PCDH15: variants seen among roughly 807,000 people sequenced by gnomAD.
PCDH15 encodes the protein protocadherin related 15.
Under a neutral mutation model 178.5 loss-of-function variants are expected in PCDH15, and 129 were observed. The ratio of observed to expected loss-of-function variants is 0.72; its 90% CI spans 0.63 to 0.84. The LOEUF (loss-of-function observed/expected upper bound fraction) is 0.84. Ranked by LOEUF, PCDH15 falls within the 40% of genes least tolerant of loss-of-function variation. The pLI is 0.00. For missense variants in PCDH15, 2,230 were observed against 2,099.9 expected (o/e 1.06, Z -1.21); for synonymous variants, 800 against 732.0 (o/e 1.09, Z -1.50).
At chr10:54,104,845 C>CAAAAAA (rs56195842) in intron 15 of PCDH15, among the ~76,000 whole-genome samples, 15 of 48,634 alleles carry the variant, frequency 3.1e-4, no homozygotes, top group Non-Finnish European at 4.1e-4. Context: ...TCAACAACAA[C>CAAAAAA]AAAAAAAAAA....
intron 2 of PCDH15, among the ~76,000 whole-genome samples, chr10:54,573,318 C>T (rs979293814): frequency 2.6e-5 from 4 of 152,056 alleles, no homozygotes; most frequent in African/African-American, 4.8e-5. Context: ...TAATAAAAAA[C>T]ACTTAACCAA....
At chr10:54,124,651 G>A (rs932858836) in intron 15 of PCDH15, among the ~76,000 whole-genome samples, 2 of 152,232 alleles carry the variant, frequency 1.3e-5, no homozygotes, top group Admixed American at 6.5e-5. Flanking sequence ...TGTAATACAC[G>A]TGACATTATA....
chr10:54,887,593 TTTAAA>T (rs1341607377), intron 3 of PCDH15, among the ~76,000 whole-genome samples: 1 of 152,100 alleles, frequency 6.6e-6, no homozygotes, highest in Non-Finnish European at 1.5e-5. Context: ...GCAAAGTATT[TTTAAA>T]TTAAATGAGA....
intron 1 of PCDH15, among the ~76,000 whole-genome samples, chr10:55,226,542 C>T (rs1361405135): frequency 2.0e-5 from 3 of 151,702 alleles, no homozygotes; most frequent in African/African-American, 2.4e-5. Flanking sequence ...CCACCACAGT[C>T]GGCTAATTTT....
At chr10:54,042,646 A>C (rs541954196) in intron 18 of PCDH15, among the ~76,000 whole-genome samples, 32 of 152,158 alleles carry the variant, frequency 2.1e-4, no homozygotes, top group African/African-American at 7.0e-4. Flanking sequence ...AGTGATGCAA[A>C]TGATGTTGGA....
chr10:54,070,314 C>T (rs1439486937), intron 17 of PCDH15, among the ~76,000 whole-genome samples: 1 of 152,146 alleles, frequency 6.6e-6, no homozygotes, highest in African/African-American at 2.4e-5. Context: ...AACAATTCTC[C>T]TGCCTCAGCC....
At chr10:54,147,269 T>C (rs1480134763) in intron 14 of PCDH15, among the ~76,000 whole-genome samples, 1 of 151,252 alleles carries the variant, frequency 6.6e-6, no homozygotes, top group Non-Finnish European at 1.5e-5. Flanking sequence ...TCACCAAACA[T>C]TCTAAGGTGA....
At chr10:54,023,409 C>T (rs1444335333) in intron 18 of PCDH15, among the ~76,000 whole-genome samples, 9 of 151,084 alleles carry the variant, frequency 6.0e-5, no homozygotes, top group South Asian at 2.1e-4. Context: ...ATAACAAAAA[C>T]GGATAATGTC....
At chr10:54,580,133 G>A (rs962712853) in intron 2 of PCDH15, among the ~76,000 whole-genome samples, 2 of 151,942 alleles carry the variant, frequency 1.3e-5, no homozygotes, top group African/African-American at 4.8e-5. Context: ...GAGCAGAACT[G>A]AATGAAGTAG....
chr10:54,561,852 A>C, intron 2 of PCDH15, among the ~76,000 whole-genome samples: 1 of 150,692 alleles, frequency 6.6e-6, no homozygotes, highest in Admixed American at 6.6e-5. Flanking sequence ...TATTATTATT[A>C]TTTCTATTTT....
At chr10:54,371,443 T>A (rs1295417201) in intron 4 of PCDH15, among the ~76,000 whole-genome samples, 1 of 151,852 alleles carries the variant, frequency 6.6e-6, no homozygotes, top group East Asian at 1.9e-4. Flanking sequence ...CTTTTGAGAA[T>A]GTATAAAATG....
intron 2 of PCDH15, among the ~76,000 whole-genome samples, chr10:55,428,397 A>T (rs1214725139): frequency 6.6e-6 from 1 of 151,946 alleles, no homozygotes; most frequent in South Asian, 2.1e-4. Context: ...GTTCTCTATC[A>T]TTATGAAATG....
chr10:55,450,031 C>T (rs1018883082), intron 2 of PCDH15, among the ~76,000 whole-genome samples: 6 of 151,538 alleles, frequency 4.0e-5, no homozygotes, highest in Non-Finnish European at 7.4e-5. Flanking sequence ...TGGCTTAAAG[C>T]ATTTTTTTTA....
chr10:55,011,330 A>G (rs1219369643), intron 2 of PCDH15, among the ~76,000 whole-genome samples: 1 of 152,138 alleles, frequency 6.6e-6, no homozygotes, highest in Admixed American at 6.6e-5. Flanking sequence ...TGAAATTGAG[A>G]CAGAATATAA....
At chr10:55,215,374 T>A (rs1388220586) in intron 1 of PCDH15, among the ~76,000 whole-genome samples, 1 of 152,136 alleles carries the variant, frequency 6.6e-6, no homozygotes, top group East Asian at 1.9e-4. Context: ...GTTATGCATT[T>A]GTACAGTGGG....
chr10:54,835,976 A>G (rs1953309053), intron 3 of PCDH15, among the ~76,000 whole-genome samples: 1 of 152,198 alleles, frequency 6.6e-6, no homozygotes, highest in Admixed American at 6.5e-5. Context: ...CGATAGCACA[A>G]AGACAAGGTG....
intron 15 of PCDH15, among the ~76,000 whole-genome samples, chr10:54,106,513 A>G (rs2094920403): frequency 6.6e-6 from 1 of 152,236 alleles, no homozygotes. Context: ...TGGATCCTAT[A>G]GGAGTGAGTC....
intron 2 of PCDH15, among the ~76,000 whole-genome samples, chr10:55,096,283 A>G (rs1842448793): frequency 6.6e-6 from 1 of 152,116 alleles, no homozygotes; most frequent in Non-Finnish European, 1.5e-5. Context: ...TTAGACATTA[A>G]CTCAATTGGT....
intron 2 of PCDH15, among the ~76,000 whole-genome samples, chr10:55,047,307 T>C (rs1841033549): frequency 6.6e-6 from 1 of 151,904 alleles, no homozygotes; most frequent in East Asian, 1.9e-4. Flanking sequence ...TAAAATTCTC[T>C]TTTTAAAGTA....
Sources: allele counts gnomAD v4.1 joint callset (sites outside exome capture counted in the v4.1 genomes callset), GRCh38; gene constraint gnomAD v4.1.1; transcripts MANE v1.5; gene names NCBI Gene and HGNC (gene_info 2026-07-23, HGNC 2026-07-21).